The following SLC12A8 variants were observed in gnomAD, a reference collection of about 807,000 sequenced individuals.
SLC12A8 encodes the protein cation-chloride cotransporter 9.
SLC12A8 carries 69 observed loss-of-function variants against 75.6 expected under a neutral mutation model. The ratio of observed to expected loss-of-function variants is 0.91; its 90% CI spans 0.75 to 1.11. SLC12A8 has a LOEUF of 1.11. Among genes scored for constraint, SLC12A8 ranks in the 50% most tolerant of loss-of-function variants. The pLI, the probability that SLC12A8 is intolerant of heterozygous loss-of-function variation, is 0.00. For missense variants in SLC12A8, 877 were observed against 896.7 expected (o/e 0.98, Z 0.28); for synonymous variants, 365 against 372.8 (o/e 0.98, Z 0.24).
At chr3:125,155,621 A>ATTAGCCGGGAGTG (rs578023995) in intron 5 of SLC12A8, among the ~76,000 whole-genome samples, 2 of 120,710 alleles carry the variant, frequency 1.7e-5, no homozygotes, top group Non-Finnish European at 1.8e-5. Context: ...AATACAAAAA[A>ATTAGCCGGGAGTG]GTAGCTGTAG....
At chr3:125,120,940 T>TCCAAAAGCGGTAGCTCAGCGCAAAGCA in intron 6 of SLC12A8, 1 of 686,126 alleles carries the variant, frequency 1.5e-6, no homozygotes, top group Non-Finnish European at 2.6e-6. Context: ...AAAAGCATCC[T>TCCAAAAGCGGTAGCTCAGCGCAAAGCA]ACCGCTCAGC....
At chr3:125,152,570 C>G (rs559999319) in intron 5 of SLC12A8, among the ~76,000 whole-genome samples, 13 of 152,288 alleles carry the variant, frequency 8.5e-5, no homozygotes, top group Middle Eastern at 3.4e-3. Context: ...AAATTATTCT[C>G]TACAATATCC....
Position 125,107,738 on chromosome 3 carries a change from T to G in SLC12A8, c.1448A>C (p.Asn483Thr). The stretch of plus-strand genomic sequence containing the variant: ...CCTCTTCTGACTTTCTGGGGTCCTG[T>G]TACCCTCTCCTTGCCTGGGCTGGCT... The part of the protein sequence containing the change: ...ESSQPRQGEG[N>T]RTPESQKRKS... The change falls in exon 10 of 14, where the codon AAC (asparagine) becomes ACC (threonine). Residue 483 changes from asparagine (N) to threonine (T), a missense_variant. By Grantham distance (65) the Asn-to-Thr change is moderately conservative (BLOSUM62 0). Coordinates refer to ENST00000469902, the MANE Select transcript of SLC12A8 (RefSeq NM_024628.6). 2.5e-6 allele frequency: 4 copies of G among 1,614,172 alleles called. No homozygotes were observed. Among genetic ancestry groups the G allele is most frequent in the Non-Finnish European group, 3.4e-6 (4 of 1,180,034 alleles).
At chr3:125,147,881 C>T (rs904419027) in intron 5 of SLC12A8, among the ~76,000 whole-genome samples, 1 of 152,160 alleles carries the variant, frequency 6.6e-6, no homozygotes, top group Non-Finnish European at 1.5e-5. Flanking sequence ...CCTCCAGGGA[C>T]CTACTCTTCC....
At chr3:125,096,626 C>A (rs1938717973) in intron 10 of SLC12A8, among the ~76,000 whole-genome samples, 1 of 151,992 alleles carries the variant, frequency 6.6e-6, no homozygotes, top group African/African-American at 2.4e-5. Context: ...GGATAAGGAC[C>A]CTCTTTTATA....
At chr3:125,097,740 C>T (rs943201200) in intron 10 of SLC12A8, among the ~76,000 whole-genome samples, 1 of 152,058 alleles carries the variant, frequency 6.6e-6, no homozygotes, top group Non-Finnish European at 1.5e-5. Context: ...TTCTGAATAG[C>T]TAGGGTTTCA....
intron 7 of SLC12A8, 112 bp from the exon 8 acceptor site, chr3:125,118,968 A>G (rs1932980006): frequency 4.2e-6 from 3 of 706,196 alleles, no homozygotes; most frequent in African/African-American, 1.8e-5. Flanking sequence ...AGAATGAGAG[A>G]AAGGCCAGTC....
chr3:125,135,352 G>A (rs770295721), intron 6 of SLC12A8, among the ~76,000 whole-genome samples: 4 of 152,144 alleles, frequency 2.6e-5, no homozygotes, highest in Non-Finnish European at 5.9e-5. Context: ...TCCTTTCTAT[G>A]AACAAAAGGT....
intron 13 of SLC12A8, among the ~76,000 whole-genome samples, chr3:125,086,543 A>G (rs111711694): frequency 3.9e-5 from 6 of 152,340 alleles, no homozygotes; most frequent in Admixed American, 1.3e-4. Flanking sequence ...CAAGGCAAAA[A>G]AATAGTCTCA....
chr3:125,190,789 T>A (rs1397775231), intron 2 of SLC12A8, among the ~76,000 whole-genome samples: 12 of 152,266 alleles, frequency 7.9e-5, no homozygotes, highest in Non-Finnish European at 1.8e-4. Flanking sequence ...AGACTCATTA[T>A]TCACAAACGT....
chr3:125,196,351 T>C (rs1458800157), intron 2 of SLC12A8, among the ~76,000 whole-genome samples: 2 of 152,228 alleles, frequency 1.3e-5, no homozygotes, highest in East Asian at 3.8e-4. Flanking sequence ...CTGCAATTAA[T>C]ATTAAATGCC....
chr3:125,087,876 G>A (rs1284563783), intron 13 of SLC12A8, among the ~76,000 whole-genome samples: 3 of 152,096 alleles, frequency 2.0e-5, no homozygotes, highest in Non-Finnish European at 4.4e-5. Flanking sequence ...CCTCTGCACT[G>A]TCCCCAACCC....
At chr3:125,191,871 G>A (rs141200084) in intron 2 of SLC12A8, among the ~76,000 whole-genome samples, 102 of 152,282 alleles carry the variant, frequency 6.7e-4, no homozygotes, top group Non-Finnish European at 1.2e-3. Flanking sequence ...CTCCAACTCC[G>A]TAAGCTTCAT....
At chr3:125,115,725 G>A (rs1215245685) in intron 8 of SLC12A8, among the ~76,000 whole-genome samples, 2 of 152,008 alleles carry the variant, frequency 1.3e-5, no homozygotes, top group East Asian at 1.9e-4. Flanking sequence ...GAAAGCCCCC[G>A]AGAGAGAGGA....
At chr3:125,166,836 G>A (rs887072435) in intron 5 of SLC12A8, among the ~76,000 whole-genome samples, 11 of 152,126 alleles carry the variant, frequency 7.2e-5, no homozygotes, top group Admixed American at 3.9e-4. Context: ...GGATCCATGC[G>A]GTATGATACA....
chr3:125,182,524 TGA>T (rs1934686967), intron 4 of SLC12A8, among the ~76,000 whole-genome samples: 1 of 151,202 alleles, frequency 6.6e-6, no homozygotes, highest in Admixed American at 6.6e-5. Flanking sequence ...TTTTTTTTTT[TGA>T]GACAGAGTCT....
intron 5 of SLC12A8, among the ~76,000 whole-genome samples, chr3:125,136,460 C>G (rs138297521): frequency 4.6e-5 from 7 of 152,220 alleles, no homozygotes; most frequent in Non-Finnish European, 7.3e-5. Flanking sequence ...ATTCCTCCCC[C>G]CTCACTGCTG....
chr3:125,190,521 C>G lies in SLC12A8; in HGVS notation c.52G>C (p.Asp18His). The change falls in exon 3 of 14, where the codon GAT becomes CAT. Residue 18 changes from aspartate (D) to histidine (H), a missense_variant and splice_region_variant. Coordinates refer to ENST00000469902, the MANE Select transcript of SLC12A8 (RefSeq NM_024628.6). Reference sequence around the variant, plus strand: ...CAGGGCTGGGGCTGGGCCAGGGCATCCTGCAAACAGAACACACAGAAATCA... The same window carrying G: ...CAGGGCTGGGGCTGGGCCAGGGCATGCTGCAAACAGAACACACAGAAATCA... ...QELFHEAAQQDALAQPQPWWK... is the reference protein window; with the variant it reads ...QELFHEAAQQHALAQPQPWWK... The G allele has an allele frequency of 6.2e-7, 1 of 1,613,832 alleles. No homozygotes were observed.
At chr3:125,197,216 G>T (rs1935024731) in intron 2 of SLC12A8, among the ~76,000 whole-genome samples, 1 of 152,194 alleles carries the variant, frequency 6.6e-6, no homozygotes, top group Admixed American at 6.5e-5. Flanking sequence ...ATTTGGCCCT[G>T]AAAGTAAATA....
Sources: gnomAD v4.1 joint callset for allele counts (sites outside exome capture counted in the v4.1 genomes callset) on GRCh38, gnomAD v4.1.1 for gene constraint, MANE v1.5 for transcripts, NCBI Gene and HGNC (gene_info 2026-07-23, HGNC 2026-07-21) for gene names.